Variants in EGFR observed in about 807,000 individuals in gnomAD.
EGFR encodes the protein epidermal growth factor receptor.
EGFR carries 58 observed loss-of-function variants against 143.0 expected under a neutral mutation model. The observed-to-expected ratio is 0.41, with a 90% CI of 0.33 to 0.50. The LOEUF (loss-of-function observed/expected upper bound fraction) is 0.50, where lower values mean the gene tolerates loss of function less well. EGFR is among the 20% of genes least tolerant of loss of function. EGFR has a pLI of 0.39. For missense variants in EGFR, 1,307 were observed against 1,579.0 expected, an observed-to-expected ratio of 0.83 and a Z score of 2.92; for synonymous variants, 613 against 594.4, an observed-to-expected ratio of 1.03 and a Z score of -0.45.
intron 1 of EGFR, among the ~76,000 whole-genome samples, chr7:55,079,056 G>C (rs1211146357): frequency 6.6e-6 from 1 of 152,248 alleles, no homozygotes; most frequent in Non-Finnish European, 1.5e-5. Flanking sequence ...CCCGTGGGCC[G>C]GGCAGGCAGC....
At chr7:55,160,113 CAT>C in intron 11 of EGFR, 24 bp from the exon 12 acceptor site, 1 of 1,612,834 alleles carries the variant, frequency 6.2e-7, no homozygotes, top group Non-Finnish European at 8.5e-7. Flanking sequence ...TTTTTCACCA[CAT>C]GATTTTTCTT....
intron 1 of EGFR, among the ~76,000 whole-genome samples, chr7:55,052,555 C>T (rs2128874847): frequency 6.6e-6 from 1 of 152,312 alleles, no homozygotes. Context: ...CTGCTGAAGG[C>T]ACACTAAGTG....
intron 1 of EGFR, among the ~76,000 whole-genome samples, chr7:55,128,909 C>T (rs566938140): frequency 4.3e-4 from 65 of 152,284 alleles, no homozygotes; most frequent in African/African-American, 1.5e-3. Context: ...TACTCAACTG[C>T]CATATTCATT....
At chr7:55,051,764 A>G (rs1162438063) in intron 1 of EGFR, among the ~76,000 whole-genome samples, 1 of 152,184 alleles carries the variant, frequency 6.6e-6, no homozygotes, top group Non-Finnish European at 1.5e-5. Context: ...GCTACTCTCC[A>G]GGGTCATGCC....
At chr7:55,086,364 CT>C (rs1790760886) in intron 1 of EGFR, among the ~76,000 whole-genome samples, 1 of 147,746 alleles carries the variant, frequency 6.8e-6, no homozygotes, top group Non-Finnish European at 1.5e-5. Context: ...CTCCCTTTCC[CT>C]TTGAAGAAAA....
chr7:55,020,263 CCAGGCTCTCCTTCGATGGCCGCCTCGCGG>C (rs1193705661), intron 1 of EGFR, among the ~76,000 whole-genome samples: 1 of 152,232 alleles, frequency 6.6e-6, no homozygotes, highest in Non-Finnish European at 1.5e-5. Flanking sequence ...GCCGAAAGCC[CCAGGCTCTCCTTCGATGGCCGCCTCGCGG>C]AGACGTCCGG....
rs1788176727 is a variant in EGFR at position 55,209,004 on chromosome 7, C to T, written c.*3387C>T. 6.6e-6 allele frequency: 1 copy of T among 152,080 alleles called. No individual in the cohort carries two copies. The highest frequency in any genetic ancestry group is 2.4e-5 in the African/African-American group (1 of 41,410). The allele number at this position is 152,080 out of a possible 1,614,324, so 9.4% of individuals were successfully genotyped here. A position where few individuals can be genotyped will look rare whatever the true frequency, so the allele number is the denominator to read the frequency against. On this transcript the variant is annotated 3_prime_UTR_variant, in exon 28 of 28. Transcript: ENST00000275493. ...ATCTACTTGGCACTCGCTGGGGGGC[C>T]ACCCCCCAGTGCCACTCTCACTAGG... is the stretch of plus-strand genomic sequence containing the variant.
At chr7:55,077,921 G>T (rs935225482) in intron 1 of EGFR, among the ~76,000 whole-genome samples, 3 of 152,214 alleles carry the variant, frequency 2.0e-5, no homozygotes, top group Admixed American at 6.5e-5. Context: ...TTTGTTTGGC[G>T]AGCGGAGCTT....
rs921583827 is a variant in EGFR, at chr7:55,019,064, C to G, written c.-214C>G. On this transcript the variant is annotated 5_prime_UTR_variant, in exon 1 of 28. Transcript: ENST00000275493. ...GCAGCGCGGCCGCAGCAGCCTCCGC[C>G]CCCCGCACGGTGTGAGCGCCCGACG... 3 of 271,986 alleles carry G rather than the reference C, an allele frequency of 1.1e-5. No individual in the cohort carries two copies. The highest frequency in any genetic ancestry group is 4.5e-5 in the African/African-American group (2 of 44,580). The allele number at this position is 271,986 out of a possible 1,614,324, so 16.8% of individuals were successfully genotyped here.
intron 17 of EGFR, 89 bp from the exon 18 acceptor site, chr7:55,173,832 T>C (rs1786467789): frequency 4.3e-6 from 7 of 1,609,490 alleles, no homozygotes; most frequent in Non-Finnish European, 5.1e-6. Flanking sequence ...CCGTGGCTGC[T>C]GGTCCCCCTG....
intron 3 of EGFR, among the ~76,000 whole-genome samples, chr7:55,146,297 C>G (rs1794756272): frequency 6.6e-6 from 1 of 152,072 alleles, no homozygotes; most frequent in Non-Finnish European, 1.5e-5. Context: ...CCTTGGGACC[C>G]AGCTTACCAC....
intron 1 of EGFR, among the ~76,000 whole-genome samples, chr7:55,055,626 G>T (rs568808121): frequency 6.6e-6 from 1 of 151,670 alleles, no homozygotes; most frequent in East Asian, 1.9e-4. Context: ...GTCCTTCTAC[G>T]AACTGACTCA....
At chr7:55,055,793 C>T (rs976490595) in intron 1 of EGFR, among the ~76,000 whole-genome samples, 5 of 151,880 alleles carry the variant, frequency 3.3e-5, no homozygotes, top group Non-Finnish European at 1.5e-5. Context: ...TGAACTCCTT[C>T]GAGTGTGAGT....
intron 5 of EGFR, 195 bp from the exon 6 acceptor site, chr7:55,152,351 G>A (rs1785199422): frequency 1.3e-6 from 1 of 761,680 alleles, no homozygotes; most frequent in Non-Finnish European, 2.4e-6. Flanking sequence ...GTTCTCTTAA[G>A]TGATTAAAAA....
At chr7:55,081,869 C>T (rs1400237851) in intron 1 of EGFR, among the ~76,000 whole-genome samples, 1 of 152,200 alleles carries the variant, frequency 6.6e-6, no homozygotes, top group African/African-American at 2.4e-5. Flanking sequence ...ATTTCAGTGG[C>T]TTTCAAACAT....
intron 1 of EGFR, among the ~76,000 whole-genome samples, chr7:55,137,648 A>T (rs1033807885): frequency 5.3e-5 from 8 of 152,208 alleles, no homozygotes; most frequent in Admixed American, 1.3e-4. Flanking sequence ...ACTTTCCTGA[A>T]CCTGCCCCTG....
At chr7:55,197,481 C>T (rs1787665886) in intron 22 of EGFR, among the ~76,000 whole-genome samples, 1 of 152,122 alleles carries the variant, frequency 6.6e-6, no homozygotes, top group Non-Finnish European at 1.5e-5. Context: ...TCCTCTCTTC[C>T]TGTTTGGATG....
At chr7:55,125,762 T>A (rs1319114601) in intron 1 of EGFR, among the ~76,000 whole-genome samples, 2 of 152,202 alleles carry the variant, frequency 1.3e-5, no homozygotes, top group Admixed American at 6.5e-5. Flanking sequence ...ACAGGGCCCC[T>A]TGCACTGTGC....
rs76578342 is a variant in EGFR, at chr7:55,083,239, A to G, written c.89-59047A>G. 6.7e-3 allele frequency among the ~76,000 whole-genome samples: 1,014 copies of G among 152,352 alleles called. 11 individuals are homozygous for G. Among genetic ancestry groups the G allele is most frequent in the African/African-American group, 0.023 (946 of 41,570 alleles). On this transcript the variant is annotated intron_variant, in intron 1 of 27. Coordinates refer to ENST00000275493, the MANE Select transcript of EGFR (RefSeq NM_005228.5). ...ACTCGTTCTTGGAGACGTTGACTTT[A>G]TTTAGTAGCATTAACCATGGCAATG... is the stretch of plus-strand genomic sequence containing the variant.
Sources: allele counts gnomAD v4.1 joint callset (sites outside exome capture counted in the v4.1 genomes callset), GRCh38; gene constraint gnomAD v4.1.1; transcripts MANE v1.5; gene names NCBI Gene and HGNC (gene_info 2026-07-23, HGNC 2026-07-21).